The following PTBP2 variants were observed in gnomAD, a reference collection of about 807,000 sequenced individuals.
The protein encoded by PTBP2 is polypyrimidine tract-binding protein 2.
A neutral mutation model predicts 61.4 loss-of-function variants in PTBP2; 13 were observed. The ratio of observed to expected loss-of-function variants is 0.21; its 90% CI spans 0.14 to 0.34. PTBP2 has a LOEUF of 0.34. PTBP2 is among the 10% of genes least tolerant of loss of function. The pLI, the probability that PTBP2 is intolerant of heterozygous loss-of-function variation, is 1.00. For missense variants in PTBP2, 405 were observed against 642.6 expected (o/e 0.63, Z 4.00); for synonymous variants, 215 against 218.5 (o/e 0.98, Z 0.14).
At chr1:96,804,177 G>A (rs1036916383) in intron 8 of PTBP2, among the ~76,000 whole-genome samples, 4 of 152,112 alleles carry the variant, frequency 2.6e-5, no homozygotes, top group South Asian at 4.1e-4. Context: ...TCTTTCAACC[G>A]GGAGAGTGTT....
chr1:96,805,504 C>T (rs1661413361), intron 9 of PTBP2, among the ~76,000 whole-genome samples: 2 of 151,948 alleles, frequency 1.3e-5, no homozygotes, highest in Admixed American at 6.5e-5. Flanking sequence ...ATTCCCCCAC[C>T]CCTTCCTTCC....
At chr1:96,733,061 C>T (rs1283919920) in intron 2 of PTBP2, among the ~76,000 whole-genome samples, 1 of 145,160 alleles carries the variant, frequency 6.9e-6, no homozygotes, top group East Asian at 2.1e-4. Context: ...ATTGTAACAA[C>T]ACAAAGTATT....
intron 3 of PTBP2, among the ~76,000 whole-genome samples, chr1:96,762,786 G>A (rs961769765): frequency 1.2e-4 from 18 of 150,804 alleles, no homozygotes; most frequent in African/African-American, 2.0e-4. Context: ...CCCAGACGGC[G>A]TGGCTGCCGG....
intron 2 of PTBP2, among the ~76,000 whole-genome samples, chr1:96,739,868 C>G (rs1303804195): frequency 1.3e-5 from 2 of 151,830 alleles, no homozygotes; most frequent in Non-Finnish European, 2.9e-5. Flanking sequence ...TCGTGATCCG[C>G]CTGCCTCGGC....
intron 2 of PTBP2, among the ~76,000 whole-genome samples, chr1:96,731,249 T>G (rs1164416513): frequency 6.6e-6 from 1 of 152,226 alleles, no homozygotes; most frequent in Non-Finnish European, 1.5e-5. Flanking sequence ...AAAGAGTTAC[T>G]GAAAACCACA....
chr1:96,793,561 C>T (rs941923314), intron 8 of PTBP2, among the ~76,000 whole-genome samples: 7 of 151,886 alleles, frequency 4.6e-5, no homozygotes, highest in African/African-American at 1.2e-4. Context: ...TTAGTAGAGA[C>T]AGGCTTTCAC....
intron 2 of PTBP2, among the ~76,000 whole-genome samples, chr1:96,750,948 T>A (rs957288524): frequency 1.1e-4 from 17 of 152,058 alleles, no homozygotes; most frequent in African/African-American, 3.1e-4. Flanking sequence ...TTGCTTTCGG[T>A]GTTCTAGCCA....
At chr1:96,751,524 C>CT (rs1443327451) in intron 3 of PTBP2, 24 bp downstream of exon 3, 1 of 1,561,842 alleles carries the variant, frequency 6.4e-7, no homozygotes, top group Non-Finnish European at 8.8e-7. Flanking sequence ...TCTTAGCAGT[C>CT]TGTCATTTGC....
At chr1:96,770,503 C>T (rs1433222713) in intron 4 of PTBP2, among the ~76,000 whole-genome samples, 3 of 151,988 alleles carry the variant, frequency 2.0e-5, no homozygotes, top group South Asian at 2.1e-4. Context: ...GCAGAAGCAG[C>T]GTGTACTCGG....
chr1:96,751,305 A>T, intron 2 of PTBP2, 120 bp from the exon 3 acceptor site: 1 of 809,654 alleles, frequency 1.2e-6, no homozygotes, highest in East Asian at 2.7e-5. Context: ...TTTTTATTAT[A>T]GGGATTAACA....
intron 3 of PTBP2, among the ~76,000 whole-genome samples, chr1:96,762,676 C>A (rs1428260914): frequency 1.3e-5 from 2 of 149,788 alleles, no homozygotes. Context: ...GGGGTCTGAC[C>A]CCCCCACCTC....
At chr1:96,795,902 C>A (rs2101127147) in intron 8 of PTBP2, among the ~76,000 whole-genome samples, 1 of 152,160 alleles carries the variant, frequency 6.6e-6, no homozygotes, top group Middle Eastern at 3.4e-3. Context: ...TGATAATAAT[C>A]CCTTTCATTT....
intron 7 of PTBP2, among the ~76,000 whole-genome samples, chr1:96,780,296 G>A (rs1397924382): frequency 6.6e-6 from 1 of 151,696 alleles, no homozygotes; most frequent in African/African-American, 2.4e-5. Context: ...CATTTTAAAT[G>A]AATTTACCTT....
chr1:96,770,907 A>G lies in PTBP2; in HGVS notation c.432+56A>G, dbSNP rs746894828. ...GCCTAGAACATATTATGAATCTCAT[A>G]AACATTAATAGGAAGGAAATGTTTA... On this transcript the variant is annotated intron_variant, in intron 5 of 13. Coordinates refer to ENST00000674951, the MANE Select transcript of PTBP2 (RefSeq NM_021190.4). The G allele has an allele frequency of 2.1e-6, 3 of 1,405,260 alleles. No individual in the cohort carries two copies. In the African/African-American group the frequency reaches 4.3e-5, roughly 20 times the overall value. The allele number at this position is 1,405,260 out of a possible 1,614,324, so 87.0% of individuals were successfully genotyped here. A position where few individuals can be genotyped will look rare whatever the true frequency, so the allele number is the denominator to read the frequency against.
chr1:96,776,457 G>A (rs963502803), intron 5 of PTBP2, among the ~76,000 whole-genome samples: 7 of 151,820 alleles, frequency 4.6e-5, no homozygotes, highest in African/African-American at 1.7e-4. Flanking sequence ...TTAAATGATT[G>A]TTTAGATATA....
chr1:96,731,248 C>T (rs1367902483), intron 2 of PTBP2, among the ~76,000 whole-genome samples: 1 of 152,120 alleles, frequency 6.6e-6, no homozygotes, highest in Admixed American at 6.5e-5. Flanking sequence ...TAAAGAGTTA[C>T]TGAAAACCAC....
intron 8 of PTBP2, among the ~76,000 whole-genome samples, chr1:96,799,299 T>G (rs1207894769): frequency 1.3e-4 from 18 of 137,884 alleles, no homozygotes; most frequent in Admixed American, 1.2e-3. Context: ...TCAAGCTTTT[T>G]TTTTTTTTTT....
chr1:96,757,890 T>C (rs1222580756), intron 3 of PTBP2, among the ~76,000 whole-genome samples: 1 of 152,086 alleles, frequency 6.6e-6, no homozygotes, highest in African/African-American at 2.4e-5. Flanking sequence ...ATTTGTTGGA[T>C]ACTACCCAAG....
At chr1:96,762,742 C>T (rs1215831012) in intron 3 of PTBP2, among the ~76,000 whole-genome samples, 12 of 151,646 alleles carry the variant, frequency 7.9e-5, no homozygotes, top group African/African-American at 1.2e-4. Context: ...CCCTCCCAGA[C>T]GGGGTGACTG....
Sources: gnomAD v4.1 joint callset for allele counts (sites outside exome capture counted in the v4.1 genomes callset) on GRCh38, gnomAD v4.1.1 for gene constraint, MANE v1.5 for transcripts, NCBI Gene and HGNC (gene_info 2026-07-23, HGNC 2026-07-21) for gene names.